The following DLG2 variants were observed in gnomAD, a reference collection of about 807,000 sequenced individuals.
The protein encoded by DLG2 is discs large MAGUK scaffold protein 2, also known as disks large homolog 2.
A neutral mutation model predicts 132.5 loss-of-function variants in DLG2; 45 were observed. The ratio of observed to expected loss-of-function variants is 0.34; its 90% confidence interval spans 0.27 to 0.44. The LOEUF (loss-of-function observed/expected upper bound fraction) is 0.44. Ranked by LOEUF, DLG2 falls within the 20% of genes least tolerant of loss-of-function variation. The probability of loss-of-function intolerance (pLI) is 1.00; values close to 1 mark genes in which losing one functional copy is unlikely to be tolerated. For synonymous variants in DLG2, 424 were observed against 419.6 expected (o/e 1.01, Z -0.13); for missense variants, 1,045 against 1,196.9 (o/e 0.87, Z 1.87).
intron 5 of DLG2, among the ~76,000 whole-genome samples, chr11:85,151,813 G>A (rs996223187): frequency 1.3e-5 from 2 of 152,120 alleles, no homozygotes; most frequent in African/African-American, 4.8e-5. Flanking sequence ...TTGAAATCAG[G>A]ATGTCTGAGG....
At chr11:84,906,864 T>A in intron 6 of DLG2, among the ~76,000 whole-genome samples, 1 of 152,274 alleles carries the variant, frequency 6.6e-6, no homozygotes, top group East Asian at 1.9e-4. Context: ...TTCATTCCCT[T>A]CTTCTTTAAA....
intron 6 of DLG2, among the ~76,000 whole-genome samples, chr11:84,981,020 C>T (rs934318673): frequency 1.3e-5 from 2 of 152,200 alleles, no homozygotes; most frequent in East Asian, 3.9e-4. Flanking sequence ...TTATAAGGGT[C>T]TCTTCTTCTG....
intron 7 of DLG2, among the ~76,000 whole-genome samples, chr11:84,429,381 C>A (rs888248305): frequency 2.6e-5 from 4 of 152,108 alleles, no homozygotes; most frequent in African/African-American, 9.7e-5. Context: ...GGACACTTAA[C>A]CAAGGTGGCA....
chr11:83,772,439 A>G (rs1041404179), intron 18 of DLG2, among the ~76,000 whole-genome samples: 12 of 147,512 alleles, frequency 8.1e-5, no homozygotes, highest in African/African-American at 2.5e-4. Context: ...GAAAAGAAAA[A>G]AAAAGAGAAG....
In DLG2 at chr11:83,881,085, A is replaced by G. The variant is rs183120760; in HGVS notation, c.1497-6597T>C. Among the ~76,000 whole-genome samples the G allele has an allele frequency of 3.9e-3, 598 of 152,220 alleles. 2 individuals carry two copies. Among genetic ancestry groups the G allele is most frequent in the Middle Eastern group, 0.02 (6 of 294 alleles). ...AAAAACCGTGATTACTTTTGCACCA[A>G]TCTAATATTTAAACTGCAGAATGTA... On this transcript the variant is annotated intron_variant, in intron 15 of 27. Coordinates refer to ENST00000376104, the MANE Select transcript of DLG2 (RefSeq NM_001142699.3).
chr11:84,814,343 G>A (rs577037282), intron 6 of DLG2, among the ~76,000 whole-genome samples: 1 of 152,208 alleles, frequency 6.6e-6, no homozygotes, highest in African/African-American at 2.4e-5. Flanking sequence ...AACTGGTTAT[G>A]AACTAGACAG....
At chr11:84,029,295 C>T (rs1419897268) in intron 11 of DLG2, among the ~76,000 whole-genome samples, 3 of 152,058 alleles carry the variant, frequency 2.0e-5, no homozygotes, top group African/African-American at 7.2e-5. Flanking sequence ...TAATACCCTA[C>T]TTCTATCCAA....
At chr11:84,813,839 G>A (rs1286001169) in intron 6 of DLG2, among the ~76,000 whole-genome samples, 1 of 142,752 alleles carries the variant, frequency 7.0e-6, no homozygotes, top group African/African-American at 2.6e-5. Flanking sequence ...CAGCTTCTCA[G>A]TACCCCAGTG....
chr11:83,975,909 A>G (rs771661249), intron 12 of DLG2, among the ~76,000 whole-genome samples: 2 of 151,944 alleles, frequency 1.3e-5, no homozygotes, highest in Non-Finnish European at 2.9e-5. Flanking sequence ...TACCTAATAA[A>G]TAGTTTTCGG....
At chr11:85,095,240 CAG>C (rs1242441456) in intron 6 of DLG2, among the ~76,000 whole-genome samples, 3 of 152,078 alleles carry the variant, frequency 2.0e-5, no homozygotes, top group African/African-American at 4.8e-5. Context: ...CAATATGTGA[CAG>C]AGAGACATGA....
chr11:84,817,327 C>T (rs1452713728), intron 6 of DLG2, among the ~76,000 whole-genome samples: 4 of 151,880 alleles, frequency 2.6e-5, no homozygotes, highest in Non-Finnish European at 2.9e-5. Context: ...GAAGGTGATG[C>T]GGAGTCAAAG....
At chr11:84,835,836 T>C (rs2079687202) in intron 6 of DLG2, among the ~76,000 whole-genome samples, 1 of 151,808 alleles carries the variant, frequency 6.6e-6, no homozygotes, top group Non-Finnish European at 1.5e-5. Context: ...ATGTAAATCA[T>C]GGTAAACAGT....
chr11:83,562,707 T>C lies in DLG2; in HGVS notation c.1941-20849A>G, dbSNP rs551162926. On this transcript the variant is annotated intron_variant, in intron 19 of 27. Transcript: ENST00000376104. ...GTTTTCAGTATATTGAAAAAATACA[T>C]AGCTAAGGAAAATATGATAACTTAG... Among the ~76,000 whole-genome samples the C allele has an allele frequency of 5.6e-4, 85 of 152,284 alleles. 1 individual carries two copies. The South Asian group carries it at 0.017, about 30-fold the overall frequency.
At chr11:85,477,191 T>C (rs1378537804) in intron 3 of DLG2, among the ~76,000 whole-genome samples, 5 of 152,208 alleles carry the variant, frequency 3.3e-5, no homozygotes, top group Non-Finnish European at 5.9e-5. Flanking sequence ...TAATAAAATG[T>C]TGAACATCCT....
At chr11:84,367,181 C>T (rs954743245) in intron 7 of DLG2, among the ~76,000 whole-genome samples, 1 of 152,144 alleles carries the variant, frequency 6.6e-6, no homozygotes, top group African/African-American at 2.4e-5. Flanking sequence ...TGCTCAACTA[C>T]ATGGAAACTA....
intron 19 of DLG2, among the ~76,000 whole-genome samples, chr11:83,578,952 C>T (rs2096925732): frequency 6.6e-6 from 1 of 152,196 alleles, no homozygotes; most frequent in African/African-American, 2.4e-5. Flanking sequence ...GCATTCAAGA[C>T]CTGCCTAGTA....
intron 21 of DLG2, among the ~76,000 whole-genome samples, chr11:83,520,802 T>C (rs2095460098): frequency 6.6e-6 from 1 of 152,218 alleles, no homozygotes; most frequent in Non-Finnish European, 1.5e-5. Context: ...ATAGCCTTCA[T>C]GCTATGACTC....
chr11:84,784,550 C>T (rs973455987), intron 6 of DLG2, among the ~76,000 whole-genome samples: 16 of 151,920 alleles, frequency 1.1e-4, no homozygotes, highest in African/African-American at 3.6e-4. Flanking sequence ...ATACTCCTAA[C>T]CACTCCCTCA....
chr11:85,544,540 T>C (rs1304507279), intron 3 of DLG2, among the ~76,000 whole-genome samples: 2 of 152,206 alleles, frequency 1.3e-5, no homozygotes, highest in African/African-American at 4.8e-5. Flanking sequence ...AAGTCAATGG[T>C]AGCTTGATAG....
Sources: gnomAD v4.1 joint callset for allele counts (sites outside exome capture counted in the v4.1 genomes callset) on GRCh38, gnomAD v4.1.1 for gene constraint, MANE v1.5 for transcripts, NCBI Gene and HGNC (gene_info 2026-07-23, HGNC 2026-07-21) for gene names.